SERINC3: variants seen among roughly 807,000 people sequenced by gnomAD.
SERINC3 encodes the protein serine incorporator 3.
Under a neutral mutation model 52.1 loss-of-function variants are expected in SERINC3, and 22 were observed. That is an observed-to-expected ratio of 0.42 (90% CI 0.30 to 0.60). The LOEUF (loss-of-function observed/expected upper bound fraction) is 0.60. SERINC3 is among the 20% of genes least tolerant of loss of function. The probability of loss-of-function intolerance (pLI) is 0.16; values close to 1 mark genes in which losing one functional copy is unlikely to be tolerated. For synonymous variants in SERINC3, 226 were observed against 212.7 expected (o/e 1.06, Z -0.54); for missense variants, 564 against 584.6 (o/e 0.96, Z 0.36).
intron 8 of SERINC3, among the ~76,000 whole-genome samples, chr20:44,503,415 A>G (rs1389406903): frequency 6.6e-6 from 1 of 152,234 alleles, no homozygotes; most frequent in Non-Finnish European, 1.5e-5. Context: ...TGGGAGGCTG[A>G]GAAAGGAGGA....
downstream of SERINC3, among the ~76,000 whole-genome samples, chr20:44,497,024 G>A (rs1036231519): frequency 6.6e-6 from 1 of 152,156 alleles, no homozygotes; most frequent in South Asian, 2.1e-4. Flanking sequence ...GCTTTCTCCC[G>A]GCTTTAACGA....
intron 5 of SERINC3, 91 bp from the exon 6 acceptor site, chr20:44,507,087 G>T: frequency 2.1e-6 from 2 of 955,268 alleles, no homozygotes; most frequent in Non-Finnish European, 2.9e-6. Flanking sequence ...AAAATGAGGA[G>T]ACATTATGTC....
At position 44,509,990 on chromosome 20, in the gene SERINC3, T is replaced by C; in HGVS notation, c.514A>G (p.Ile172Val). Residue 172 changes from isoleucine (I) to valine (V), a missense_variant, in exon 5 of 10, where the codon ATC (isoleucine) becomes GTC (valine). Transcript: ENST00000342374. ...ACCAGCAGCACCAGCTGAATGAGGA[T>C]GAAGAGGGCGGCCCCTATCATGCCA... ...VVGMIGAALFILIQLVLLVDF... is the reference protein window; with the variant it reads ...VVGMIGAALFVLIQLVLLVDF... The C allele has an allele frequency of 1.2e-6, 2 of 1,614,150 alleles. No homozygotes were observed. Among genetic ancestry groups the C allele is most frequent in the Non-Finnish European group, 1.7e-6 (2 of 1,179,990 alleles).
At chr20:44,507,475 C>T (rs1040585192) in intron 5 of SERINC3, among the ~76,000 whole-genome samples, 2 of 152,210 alleles carry the variant, frequency 1.3e-5, no homozygotes, top group African/African-American at 4.8e-5. Flanking sequence ...ATCCATTTCC[C>T]ATCACAAACA....
At chr20:44,518,622 T>C (rs890791920) in intron 1 of SERINC3, among the ~76,000 whole-genome samples, 11 of 152,296 alleles carry the variant, frequency 7.2e-5, no homozygotes, top group Admixed American at 5.9e-4. Context: ...AGAAACCTAT[T>C]TGTTCTTCTC....
chr20:44,511,379 A>G lies in SERINC3; in HGVS notation c.396-11T>C, dbSNP rs1335092555. On this transcript the variant is annotated splice_polypyrimidine_tract_variant and intron_variant, in intron 3 of 9. Coordinates refer to ENST00000342374, the MANE Select transcript of SERINC3 (RefSeq NM_006811.4). The stretch of plus-strand genomic sequence containing the variant: ...TTGAAGAACCAAAACCTATTAAAAT[A>G]TAAAAATGCATTTATGAAATGCTAA... 1 of 1,568,706 alleles carries G rather than the reference A, an allele frequency of 6.4e-7. No homozygotes were observed. Among genetic ancestry groups the G allele is most frequent in the Admixed American group, 1.7e-5 (1 of 59,864 alleles).
intron 5 of SERINC3, among the ~76,000 whole-genome samples, chr20:44,508,902 G>T (rs991375023): frequency 7.9e-5 from 12 of 152,158 alleles, no homozygotes; most frequent in African/African-American, 2.9e-4. Flanking sequence ...TCTTTATAAA[G>T]TTCTATCATT....
chr20:44,503,759 C>T, intron 8 of SERINC3, 56 bp downstream of exon 8: 5 of 1,370,902 alleles, frequency 3.6e-6, no homozygotes, highest in Non-Finnish European at 3.9e-6. Flanking sequence ...AAAACAGCTT[C>T]TTCACTTTAT....
At position 44,502,068 on chromosome 20, in the gene SERINC3, C is replaced by T. The variant is rs117847653; in HGVS notation, c.1056-768G>A. On this transcript the variant is annotated intron_variant, in intron 8 of 9. Transcript: ENST00000342374. ...AAAACTTTCCCCCTGAGATCAGGAACAAGACAAGGATCCTACTCTCACCAT... is the reference window on the plus strand; with the variant it reads ...AAAACTTTCCCCCTGAGATCAGGAATAAGACAAGGATCCTACTCTCACCAT... Among the ~76,000 whole-genome samples the T allele has an allele frequency of 4.6e-5, 7 of 152,210 alleles. No homozygotes were observed. The East Asian group carries it at 1.2e-3, about 25-fold the overall frequency.
chr20:44,509,514 T>A (rs574472831), intron 5 of SERINC3, among the ~76,000 whole-genome samples: 3 of 152,188 alleles, frequency 2.0e-5, no homozygotes, highest in African/African-American at 7.2e-5. Context: ...TTGTGGATTT[T>A]TTTCCTTTTA....
At chr20:44,513,614 C>A (rs2064361883) in intron 2 of SERINC3, among the ~76,000 whole-genome samples, 1 of 152,156 alleles carries the variant, frequency 6.6e-6, no homozygotes, top group Non-Finnish European at 1.5e-5. Flanking sequence ...GATGCTTCGA[C>A]CTTTAACACA....
At chr20:44,505,863 G>T (rs2064308999) in intron 6 of SERINC3, among the ~76,000 whole-genome samples, 1 of 152,098 alleles carries the variant, frequency 6.6e-6, no homozygotes, top group African/African-American at 2.4e-5. Context: ...GCCTCCCAAA[G>T]TGCTGGGATT....
intron 4 of SERINC3, among the ~76,000 whole-genome samples, chr20:44,510,400 T>G (rs1456307715): frequency 1.3e-5 from 2 of 152,248 alleles, no homozygotes; most frequent in African/African-American, 4.8e-5. Flanking sequence ...GCTCTCTGAT[T>G]AGCTTTGTAT....
chr20:44,519,494 G>T, intron 1 of SERINC3: 1 of 376,594 alleles, frequency 2.7e-6, no homozygotes, highest in Non-Finnish European at 3.7e-6. Context: ...GGGTGCATCA[G>T]ATCACAGATC....
chr20:44,513,086 CT>C, intron 2 of SERINC3, 92 bp from the exon 3 acceptor site: 2 of 784,362 alleles, frequency 2.5e-6, no homozygotes, highest in Non-Finnish European at 3.9e-6. Flanking sequence ...AGAAAATTAA[CT>C]ACTTCAACAA....
At chr20:44,508,011 T>A (rs965728720) in intron 5 of SERINC3, among the ~76,000 whole-genome samples, 1 of 152,188 alleles carries the variant, frequency 6.6e-6, no homozygotes, top group African/African-American at 2.4e-5. Context: ...AGAAAACTAG[T>A]TTCTACTTAT....
intron 8 of SERINC3, among the ~76,000 whole-genome samples, chr20:44,502,071 G>A (rs1201966200): frequency 2.6e-5 from 4 of 152,116 alleles, no homozygotes; most frequent in Non-Finnish European, 5.9e-5. Flanking sequence ...TCAGGAACAA[G>A]ACAAGGATCC....
At position 44,499,449 on chromosome 20, in the gene SERINC3, A is replaced by G. The variant is rs956653744; in HGVS notation, c.*847T>C. 3 of 152,378 alleles carry G rather than the reference A, an allele frequency of 2.0e-5. No individual in the cohort carries two copies. Among genetic ancestry groups the G allele is most frequent in the African/African-American group, 7.2e-5 (3 of 41,466 alleles). 9.4% of individuals were successfully genotyped at this position (152,378 alleles called of 1,614,324 possible). Reference sequence around the variant, plus strand: ...AAAATAAAGAATGGCTGCTAACTATAAAAGCTGTTGGAAGAAAGGGCCTTA... The same window carrying G: ...AAAATAAAGAATGGCTGCTAACTATGAAAGCTGTTGGAAGAAAGGGCCTTA... On this transcript the variant is annotated 3_prime_UTR_variant, in exon 10 of 10. Coordinates refer to ENST00000342374, the MANE Select transcript of SERINC3 (RefSeq NM_006811.4).
intron 8 of SERINC3, among the ~76,000 whole-genome samples, chr20:44,502,585 C>CAAA (rs1276917464): frequency 2.9e-4 from 21 of 73,628 alleles, no homozygotes; most frequent in Admixed American, 1.8e-3. Context: ...TTCTTCTCTT[C>CAAA]AAAAAAAAAA....
Sources: allele counts gnomAD v4.1 joint callset (sites outside exome capture counted in the v4.1 genomes callset), GRCh38; gene constraint gnomAD v4.1.1; transcripts MANE v1.5; gene names NCBI Gene and HGNC (gene_info 2026-07-23, HGNC 2026-07-21).